The following NRXN1 variants were observed in gnomAD, a reference collection of about 807,000 sequenced individuals.
NRXN1 encodes the protein neurexin 1, also known as neurexin-1.
A neutral mutation model predicts 150.9 loss-of-function variants in NRXN1; 39 were observed. The ratio of observed to expected loss-of-function variants is 0.26; its 90% CI spans 0.20 to 0.34. NRXN1 has a LOEUF of 0.34. Among genes scored for constraint, NRXN1 ranks in the 10% least tolerant of loss-of-function variants. The pLI, the probability that NRXN1 is intolerant of heterozygous loss-of-function variation, is 1.00. For synonymous variants in NRXN1, 924 were observed against 757.0 expected (o/e 1.22, Z -3.62); for missense variants, 1,815 against 1,949.9 (o/e 0.93, Z 1.30).
At chr2:50,149,910 C>G (rs942812727) in intron 18 of NRXN1, among the ~76,000 whole-genome samples, 22 of 151,670 alleles carry the variant, frequency 1.5e-4, no homozygotes, top group Admixed American at 9.2e-4. Context: ...TGCCATTTAA[C>G]TCACTGCCTG....
intron 8 of NRXN1, among the ~76,000 whole-genome samples, chr2:50,600,177 T>C (rs916716450): frequency 6.6e-6 from 1 of 152,078 alleles, no homozygotes; most frequent in Non-Finnish European, 1.5e-5. Flanking sequence ...ACATAATGTA[T>C]CATAATTTCT....
chr2:50,066,413 A>T (rs1284899065), intron 19 of NRXN1, among the ~76,000 whole-genome samples: 3 of 152,218 alleles, frequency 2.0e-5, no homozygotes, highest in African/African-American at 7.2e-5. Flanking sequence ...GTTGCCATAG[A>T]AGTTCAGAGA....
At chr2:49,924,408 G>T (rs901627062) in intron 22 of NRXN1, among the ~76,000 whole-genome samples, 1 of 152,096 alleles carries the variant, frequency 6.6e-6, no homozygotes, top group Non-Finnish European at 1.5e-5. Flanking sequence ...GAATAGACAT[G>T]TATTTTTTTC....
At chr2:50,280,295 CAG>C (rs1558441757) in intron 17 of NRXN1, among the ~76,000 whole-genome samples, 4 of 137,270 alleles carry the variant, frequency 2.9e-5, no homozygotes, top group Non-Finnish European at 6.3e-5. Flanking sequence ...AAAAAAAAAA[CAG>C]ATATATTAGA....
chr2:50,973,973 G>C (rs188261649), intron 2 of NRXN1, among the ~76,000 whole-genome samples: 101 of 151,066 alleles, frequency 6.7e-4, no homozygotes, highest in African/African-American at 2.3e-3. Context: ...TGCAGTCCTT[G>C]CACTCATGAG....
At chr2:50,974,013 A>G (rs1468474565) in intron 2 of NRXN1, among the ~76,000 whole-genome samples, 1 of 152,118 alleles carries the variant, frequency 6.6e-6, no homozygotes. Context: ...AAAAAATACT[A>G]AAAATCATGA....
At chr2:50,592,502 G>A (rs889421306) in intron 8 of NRXN1, among the ~76,000 whole-genome samples, 1 of 152,224 alleles carries the variant, frequency 6.6e-6, no homozygotes, top group Non-Finnish European at 1.5e-5. Flanking sequence ...TCACAAAACA[G>A]AGGGCAGGGA....
intron 17 of NRXN1, among the ~76,000 whole-genome samples, chr2:50,420,944 A>C (rs1572905308): frequency 6.9e-6 from 1 of 144,740 alleles, no homozygotes; most frequent in African/African-American, 2.6e-5. Context: ...GGTCCTGGTC[A>C]CCCTAGTCAA....
intron 5 of NRXN1, among the ~76,000 whole-genome samples, chr2:50,902,909 A>AACT (rs554978358): frequency 3.3e-5 from 5 of 152,300 alleles, no homozygotes; most frequent in South Asian, 2.1e-4. Context: ...CCTAAATCAG[A>AACT]ACTACTACTA....
chr2:50,780,129 C>T (rs1396213011), intron 5 of NRXN1, among the ~76,000 whole-genome samples: 4 of 152,144 alleles, frequency 2.6e-5, no homozygotes, highest in Non-Finnish European at 5.9e-5. Context: ...CGATGATTAG[C>T]TTTTTTTCAT....
intron 5 of NRXN1, among the ~76,000 whole-genome samples, chr2:50,859,777 T>C (rs1056519365): frequency 2.6e-5 from 4 of 151,682 alleles, no homozygotes; most frequent in Admixed American, 6.6e-5. Flanking sequence ...TAAATATAAA[T>C]ATATACACAC....
intron 8 of NRXN1, among the ~76,000 whole-genome samples, chr2:50,603,909 A>T (rs547389311): frequency 6.6e-6 from 1 of 152,222 alleles, no homozygotes; most frequent in South Asian, 2.1e-4. Flanking sequence ...TAGTTCCTTC[A>T]TGCTTCCGAC....
intron 18 of NRXN1, among the ~76,000 whole-genome samples, chr2:50,176,474 A>T (rs775681673): frequency 3.3e-5 from 5 of 152,090 alleles, no homozygotes; most frequent in Non-Finnish European, 7.4e-5. Flanking sequence ...TCGACTCATT[A>T]GATGCCTGTT....
At chr2:50,235,414 C>T (rs2065323902) in intron 18 of NRXN1, among the ~76,000 whole-genome samples, 1 of 151,954 alleles carries the variant, frequency 6.6e-6, no homozygotes, top group South Asian at 2.1e-4. Context: ...TACTATGGTT[C>T]AATAATGGCT....
At chr2:50,487,724 G>C (rs923353788) in intron 15 of NRXN1, among the ~76,000 whole-genome samples, 1 of 152,154 alleles carries the variant, frequency 6.6e-6, no homozygotes, top group African/African-American at 2.4e-5. Flanking sequence ...AACTAGATGA[G>C]ACAATTGCCT....
intron 8 of NRXN1, chr2:50,554,564 A>G (rs1225170367): frequency 6.6e-6 from 1 of 152,210 alleles, no homozygotes; most frequent in East Asian, 1.9e-4. Context: ...GAAAATCTAC[A>G]TAAAGGCATT....
intron 5 of NRXN1, among the ~76,000 whole-genome samples, chr2:50,848,869 C>G (rs967272574): frequency 2.0e-5 from 3 of 152,074 alleles, no homozygotes; most frequent in Non-Finnish European, 4.4e-5. Context: ...AACTGCCACC[C>G]TGGGATTTAT....
At chr2:50,957,638 G>T (rs146559144) in intron 2 of NRXN1, among the ~76,000 whole-genome samples, 26 of 152,252 alleles carry the variant, frequency 1.7e-4, no homozygotes, top group African/African-American at 6.3e-4. Flanking sequence ...TGAAATTTGT[G>T]AAGTAATTTA....
chr2:50,389,562 C>G (rs983419540), intron 17 of NRXN1, among the ~76,000 whole-genome samples: 1 of 151,930 alleles, frequency 6.6e-6, no homozygotes, highest in Non-Finnish European at 1.5e-5. Flanking sequence ...TCTCTCTTCT[C>G]TTATCTATGT....
Sources: allele counts gnomAD v4.1 joint callset (sites outside exome capture counted in the v4.1 genomes callset), GRCh38; gene constraint gnomAD v4.1.1; transcripts MANE v1.5; gene names NCBI Gene and HGNC (gene_info 2026-07-23, HGNC 2026-07-21).